Variants in DDX46 observed in about 807,000 individuals in gnomAD.
DDX46 encodes probable ATP-dependent RNA helicase DDX46.
DDX46 carries 30 observed loss-of-function variants against 134.9 expected under a neutral mutation model. The observed-to-expected ratio is 0.22, with a 90% CI of 0.17 to 0.30. The LOEUF (loss-of-function observed/expected upper bound fraction) is 0.30. Among genes scored for constraint, DDX46 ranks in the 10% least tolerant of loss-of-function variants. The pLI is 1.00. For synonymous variants in DDX46, 415 were observed against 404.1 expected (o/e 1.03, Z -0.32); for missense variants, 622 against 1,248.7 (o/e 0.50, Z 7.56).
At chr5:134,806,206 C>T (rs957322694) in intron 15 of DDX46, among the ~76,000 whole-genome samples, 8 of 145,136 alleles carry the variant, frequency 5.5e-5, no homozygotes, top group African/African-American at 1.8e-4. Flanking sequence ...AGTGAAACTC[C>T]GTCTTTAAAA....
chr5:134,770,857 G>A lies in DDX46; in HGVS notation c.351-46G>A. 2.1e-6 allele frequency: 3 copies of A among 1,424,446 alleles called. 1 individual carries two copies. Among genetic ancestry groups the A allele is most frequent in the Admixed American group, 4.7e-5 (2 of 42,390 alleles). 88.2% of individuals were successfully genotyped at this position (1,424,446 alleles called of 1,614,324 possible). On this transcript the variant is annotated intron_variant, in intron 3 of 22. Coordinates refer to ENST00000452510, the MANE Select transcript of DDX46 (RefSeq NM_001300860.2). The stretch of plus-strand genomic sequence containing the variant: ...AGTATTTAAAAATGAATGTTTCTAA[G>A]TACAAATGAATGACATTTCTCTTGT...
intron 21 of DDX46, among the ~76,000 whole-genome samples, chr5:134,822,876 C>T (rs1755494377): frequency 6.6e-6 from 1 of 151,938 alleles, no homozygotes; most frequent in Non-Finnish European, 1.5e-5. Context: ...CATGCTGGGC[C>T]CAGACCTGTA....
intron 1 of DDX46, among the ~76,000 whole-genome samples, chr5:134,760,050 A>G (rs955890962): frequency 3.9e-5 from 6 of 152,108 alleles, no homozygotes; most frequent in Non-Finnish European, 2.9e-5. Flanking sequence ...TTTTAAATTG[A>G]TTCTCTGAAT....
At chr5:134,775,168 A>G (rs1290157179) in intron 5 of DDX46, among the ~76,000 whole-genome samples, 1 of 151,928 alleles carries the variant, frequency 6.6e-6, no homozygotes, top group African/African-American at 2.4e-5. Flanking sequence ...TTACCCAGCT[A>G]GTCTTGAGCT....
intron 15 of DDX46, 100 bp downstream of exon 15, chr5:134,796,250 A>G: frequency 7.6e-7 from 1 of 1,319,886 alleles, no homozygotes; most frequent in Non-Finnish European, 1.0e-6. Context: ...TATAATTCAG[A>G]ACTAAATTTT....
At chr5:134,797,569 G>A (rs1346069146) in intron 15 of DDX46, among the ~76,000 whole-genome samples, 1 of 152,198 alleles carries the variant, frequency 6.6e-6, no homozygotes, top group Non-Finnish European at 1.5e-5. Context: ...TGATACTGGA[G>A]TTGGCAGAGC....
intron 5 of DDX46, among the ~76,000 whole-genome samples, chr5:134,775,421 G>A (rs1053963039): frequency 6.6e-6 from 1 of 151,962 alleles, no homozygotes; most frequent in African/African-American, 2.4e-5. Flanking sequence ...TCTATAAGTA[G>A]TCATGATGTC....
chr5:134,766,223 T>A (rs1325761060), intron 2 of DDX46, among the ~76,000 whole-genome samples: 1 of 152,192 alleles, frequency 6.6e-6, no homozygotes, highest in African/African-American at 2.4e-5. Context: ...CGATGTTAAT[T>A]ACAGACTTAT....
intron 3 of DDX46, among the ~76,000 whole-genome samples, chr5:134,767,949 T>C (rs1753629563): frequency 7.0e-6 from 1 of 143,590 alleles, no homozygotes; most frequent in South Asian, 2.2e-4. Flanking sequence ...AAACTCCTTC[T>C]CAAAAAAAAA....
intron 3 of DDX46, among the ~76,000 whole-genome samples, chr5:134,767,566 C>T (rs986416261): frequency 3.9e-5 from 6 of 151,950 alleles, no homozygotes; most frequent in South Asian, 2.1e-4. Context: ...GTCTCGAACT[C>T]CTGACCTCAA....
At chr5:134,797,181 A>AAAAAAAAAAAAAAAAAAAC (rs1754685535) in intron 15 of DDX46, 1 of 288,840 alleles carries the variant, frequency 3.5e-6, no homozygotes, top group Non-Finnish European at 6.6e-6. Context: ...AAAAAAAAAA[A>AAAAAAAAAAAAAAAAAAAC]AAAAAAAAAA....
Position 134,819,013 on chromosome 5 carries a change from TGTTA to T in DDX46, c.2977+13_2977+16del. On this transcript the variant is annotated intron_variant, in intron 21 of 22. Transcript: ENST00000452510. ...TTACTTGGCAATTGAAAGTATGTAC[TGTTA>T]GTTCTGTTTCAATCTTGAATTTAGA... 6.2e-7 allele frequency: 1 copy of T among 1,611,836 alleles called. No homozygotes were observed. The highest frequency in any genetic ancestry group is 8.5e-7 in the Non-Finnish European group (1 of 1,179,082).
chr5:134,781,079 A>G (rs920074590), intron 6 of DDX46, 54 bp from the exon 7 acceptor site: 13 of 1,292,984 alleles, frequency 1.0e-5, no homozygotes, highest in Admixed American at 2.8e-5. Context: ...TTCAGCAGTC[A>G]TATAACTTGT....
rs1561862953 is a variant in DDX46 at position 134,790,555 on chromosome 5, AATC to A, written c.1626+6_1626+8del. On this transcript the variant is annotated splice_donor_5th_base_variant and intron_variant, in intron 13 of 22. Transcript: ENST00000452510. ...TTGACATGGGTTTTGAACCCCAGGT[AATC>A]ATTAAATTTCTTAAGTGTTTTGAAA... The A allele has an allele frequency of 6.2e-7, 1 of 1,607,898 alleles. No individual in the cohort carries two copies. The highest frequency in any genetic ancestry group is 1.1e-5 in the South Asian group (1 of 89,818).
intron 3 of DDX46, among the ~76,000 whole-genome samples, chr5:134,767,457 C>T (rs1753611231): frequency 6.6e-6 from 1 of 151,974 alleles, no homozygotes; most frequent in African/African-American, 2.4e-5. Flanking sequence ...TCACCTAGGC[C>T]TCCAAAAGTC....
chr5:134,794,754 G>T (rs1754600356), intron 13 of DDX46, 96 bp from the exon 14 acceptor site: 2 of 1,476,910 alleles, frequency 1.4e-6, no homozygotes, highest in Non-Finnish European at 1.8e-6. Flanking sequence ...AACTGAGACA[G>T]TTGTTCTCAA....
intron 8 of DDX46, 103 bp downstream of exon 8, chr5:134,782,189 T>G: frequency 2.5e-6 from 3 of 1,201,512 alleles, no homozygotes; most frequent in Non-Finnish European, 3.4e-6. Context: ...AGGAGGGTGT[T>G]TTGGAAATAT....
intron 15 of DDX46, among the ~76,000 whole-genome samples, chr5:134,798,689 A>G (rs1001970447): frequency 2.6e-5 from 4 of 152,162 alleles, no homozygotes; most frequent in Non-Finnish European, 4.4e-5. Context: ...TTCTGTCTCT[A>G]TGCATTTGCC....
intron 1 of DDX46, 86 bp from the exon 2 acceptor site, chr5:134,763,818 C>CTT: frequency 7.0e-7 from 1 of 1,424,710 alleles, no homozygotes; most frequent in Non-Finnish European, 9.4e-7. Flanking sequence ...AATTTGTCTG[C>CTT]TGAAATTATT....
Sources: gnomAD v4.1 joint callset for allele counts (sites outside exome capture counted in the v4.1 genomes callset) on GRCh38, gnomAD v4.1.1 for gene constraint, MANE v1.5 for transcripts, NCBI Gene and HGNC (gene_info 2026-07-23, HGNC 2026-07-21) for gene names.